Variants in THAP5 observed in about 807,000 individuals in gnomAD.
The protein encoded by THAP5 is THAP domain containing 5.
Under a neutral mutation model 34.0 loss-of-function variants are expected in THAP5, and 26 were observed. The observed-to-expected ratio is 0.77, with a 90% confidence interval of 0.56 to 1.06. THAP5 has a LOEUF of 1.06. Ranked by LOEUF, THAP5 falls within the 50% of genes least tolerant of loss-of-function variation. THAP5 has a pLI of 0.00. For synonymous variants in THAP5, 125 were observed against 153.0 expected, an observed-to-expected ratio of 0.82 and a Z score of 1.35; for missense variants, 394 against 452.8, an observed-to-expected ratio of 0.87 and a Z score of 1.18.
downstream of THAP5, among the ~76,000 whole-genome samples, chr7:108,557,420 A>G (rs995083004): frequency 6.6e-6 from 1 of 152,188 alleles, no homozygotes; most frequent in Non-Finnish European, 1.5e-5. Context: ...ATGCTGTTAG[A>G]AGCAGCCAGG....
chr7:108,557,521 AGCAGGG>A (rs1564008194), downstream of THAP5, among the ~76,000 whole-genome samples: 1 of 152,226 alleles, frequency 6.6e-6, no homozygotes, highest in Non-Finnish European at 1.5e-5. Flanking sequence ...AGATCCCTAG[AGCAGGG>A]GCACAATGCC....
chr7:108,543,185 C>G, the THAP5 span, among the ~76,000 whole-genome samples: 2 of 151,694 alleles, frequency 1.3e-5, no homozygotes, highest in Non-Finnish European at 2.9e-5. Context: ...CCTCAGCCTC[C>G]CAAAGTGCTG....
intron 1 of THAP5, among the ~76,000 whole-genome samples, 168 bp from the exon 2 acceptor site, chr7:108,566,190 A>G (rs542199773): frequency 5.3e-5 from 8 of 152,250 alleles, no homozygotes; most frequent in Admixed American, 2.6e-4. Flanking sequence ...AACTAGTACC[A>G]TTATCATCTC....
rs1790442601 is a variant in THAP5 at position 108,564,633 on chromosome 7, T to C, written c.746A>G (p.Glu249Gly). ...SNSMEIKSAQ[E>G]NPFLFSTINQ... ...AATTGTGCTGAATAAGAATGGATTT[T>C]CCTGTGCTGACTTTATTTCCATGGA... The change falls in exon 3 of 3, where the codon GAA (glutamate) becomes GGA (glycine). Residue 249 changes from glutamate (E) to glycine (G), a missense_variant. Coordinates refer to ENST00000415914, the MANE Select transcript of THAP5 (RefSeq NM_001130475.3). 6.2e-7 allele frequency: 1 copy of C among 1,614,020 alleles called. No homozygotes were observed. Among genetic ancestry groups the C allele is most frequent in the African/African-American group, 1.3e-5 (1 of 75,064 alleles).
At chr7:108,567,488 T>C (rs1447065791) in intron 1 of THAP5, among the ~76,000 whole-genome samples, 1 of 152,186 alleles carries the variant, frequency 6.6e-6, no homozygotes, top group East Asian at 1.9e-4. Context: ...TAAAAAAAAC[T>C]TTGTGAATAT....
At chr7:108,544,466 G>C in the THAP5 span, among the ~76,000 whole-genome samples, 6 of 151,864 alleles carry the variant, frequency 4.0e-5, no homozygotes, top group Admixed American at 2.0e-4. Flanking sequence ...GGGAGGCAGA[G>C]GTTGCAGAGA....
downstream of THAP5, among the ~76,000 whole-genome samples, chr7:108,549,855 T>C (rs1864342756): frequency 6.6e-6 from 1 of 152,230 alleles, no homozygotes; most frequent in Non-Finnish European, 1.5e-5. Flanking sequence ...AAGAACTCGA[T>C]GTTTCTGAGC....
At position 108,565,085 on chromosome 7, in the gene THAP5, T is replaced by G; in HGVS notation, c.294A>C (p.Lys98Asn). ...EDNQGKDPSKKKSQKKNLEDE... is the reference protein window; with the variant it reads ...EDNQGKDPSKNKSQKKNLEDE... ...CTTCCAAGTTTTTCTTCTGGGATTT[T>G]TTTTTAGAAGGGTCTTTTCCCTAGA... Residue 98 changes from lysine (K) to asparagine (N), a missense_variant, in exon 3 of 3, where the codon AAA (lysine) becomes AAC (asparagine). Lys to Asn is a moderately conservative substitution (Grantham distance 94). Coordinates refer to ENST00000415914, the MANE Select transcript of THAP5 (RefSeq NM_001130475.3). 4 of 1,515,938 alleles carry G rather than the reference T, an allele frequency of 2.6e-6. No homozygotes were observed. Among genetic ancestry groups the G allele is most frequent in the Non-Finnish European group, 3.5e-6 (4 of 1,134,094 alleles). The allele number at this position is 1,515,938 out of a possible 1,614,324, so 93.9% of individuals were successfully genotyped here. A position where few individuals can be genotyped will look rare whatever the true frequency, so the allele number is the denominator to read the frequency against.
downstream of THAP5, among the ~76,000 whole-genome samples, chr7:108,553,566 G>T (rs531890814): frequency 1.3e-5 from 2 of 152,294 alleles, no homozygotes; most frequent in South Asian, 2.1e-4. Context: ...ATTGAATTGT[G>T]ACTGAATTGT....
Position 108,564,507 on chromosome 7 carries a change from G to A in THAP5, c.872C>T (p.Ala291Val). 6.2e-7 allele frequency: 1 copy of A among 1,613,886 alleles called. No homozygotes were observed. Among genetic ancestry groups the A allele is most frequent in the Non-Finnish European group, 8.5e-7 (1 of 1,179,920 alleles). The stretch of plus-strand genomic sequence containing the variant: ...TTCCATTTCCGTGGTTTCTTTTTGT[G>A]CAGATATAAAAGAATTAACTGAGGG... ...SKPSVNSFIS[A>V]QKETTEMEDT... The change falls in exon 3 of 3, where the codon GCA becomes GTA. Residue 291 changes from alanine to valine, a missense_variant. Coordinates refer to ENST00000415914, the MANE Select transcript of THAP5 (RefSeq NM_001130475.3).
chr7:108,567,017 T>C (rs1032656691), intron 1 of THAP5, among the ~76,000 whole-genome samples: 2 of 152,170 alleles, frequency 1.3e-5, no homozygotes, highest in African/African-American at 2.4e-5. Context: ...GTAGCTGTTA[T>C]ACACTCCCTT....
chr7:108,554,380 C>G (rs545699901), downstream of THAP5, among the ~76,000 whole-genome samples: 131 of 152,072 alleles, frequency 8.6e-4, no homozygotes, highest in Non-Finnish European at 1.5e-3. Flanking sequence ...TCAAGATGAG[C>G]TGCATTGAGA....
chr7:108,553,328 G>C (rs1362781435), downstream of THAP5, among the ~76,000 whole-genome samples: 2 of 152,076 alleles, frequency 1.3e-5, no homozygotes, highest in Non-Finnish European at 2.9e-5. Context: ...CAGGCACTGA[G>C]CCAGTGTACC....
At chr7:108,569,435 C>T (rs1564012997) in intron 1 of THAP5, 55 bp downstream of exon 1, 1 of 1,550,586 alleles carries the variant, frequency 6.4e-7, no homozygotes, top group Non-Finnish European at 8.7e-7. Flanking sequence ...GCCCAAAGGC[C>T]ACAGGTCCAA....
chr7:108,558,313 C>G (rs1219614970), downstream of THAP5, among the ~76,000 whole-genome samples: 1 of 148,908 alleles, frequency 6.7e-6, no homozygotes, highest in African/African-American at 2.5e-5. Context: ...ATCAATAAAA[C>G]TTTCCTGCCC....
At chr7:108,551,589 T>C (rs1209359658), downstream of THAP5, among the ~76,000 whole-genome samples, 1 of 152,240 alleles carries the variant, frequency 6.6e-6, no homozygotes, top group South Asian at 2.1e-4. Flanking sequence ...ACATCTTTAT[T>C]ATTAACTGCT....
chr7:108,545,226 C>T, the THAP5 span, among the ~76,000 whole-genome samples: 1 of 152,148 alleles, frequency 6.6e-6, no homozygotes, highest in African/African-American at 2.4e-5. Flanking sequence ...TGAAGCATAG[C>T]ATTATTAATA....
downstream of THAP5, among the ~76,000 whole-genome samples, chr7:108,551,754 T>C (rs182604944): frequency 6.6e-6 from 1 of 152,248 alleles, no homozygotes; most frequent in East Asian, 1.9e-4. Context: ...CATTAAAAAA[T>C]ATAGATGCTC....
chr7:108,569,213 G>C (rs1486592717), intron 1 of THAP5: 11 of 1,345,154 alleles, frequency 8.2e-6, no homozygotes, highest in Non-Finnish European at 1.1e-5. Flanking sequence ...GTGGGGAAAA[G>C]ACTGAAAACC....
Sources: allele counts gnomAD v4.1 joint callset (sites outside exome capture counted in the v4.1 genomes callset), GRCh38; gene constraint gnomAD v4.1.1; transcripts MANE v1.5; gene names NCBI Gene and HGNC (gene_info 2026-07-23, HGNC 2026-07-21).